FOXP1: variants seen among roughly 807,000 people sequenced by gnomAD.
FOXP1 encodes forkhead box P1, also known as forkhead box protein P1.
In FOXP1, 15 loss-of-function variants were observed where a neutral mutation model predicts 98.2. The ratio of observed to expected loss-of-function variants is 0.15; its 90% CI spans 0.10 to 0.24. The LOEUF (loss-of-function observed/expected upper bound fraction) is 0.24. Ranked by LOEUF, FOXP1 falls within the 10% of genes least tolerant of loss-of-function variation. FOXP1 has a pLI of 1.00. For synonymous variants in FOXP1, 371 were observed against 314.5 expected, an observed-to-expected ratio of 1.18 and a Z score of -1.90; for missense variants, 633 against 848.5, an observed-to-expected ratio of 0.75 and a Z score of 3.15.
At chr3:71,073,674 G>A (rs375743458) in intron 7 of FOXP1, among the ~76,000 whole-genome samples, 1 of 152,200 alleles carries the variant, frequency 6.6e-6, no homozygotes, top group Non-Finnish European at 1.5e-5. Flanking sequence ...TTCCGAGGGG[G>A]TGTCAACTTC....
intron 4 of FOXP1, among the ~76,000 whole-genome samples, chr3:71,340,573 A>T (rs1401961385): frequency 6.6e-6 from 1 of 152,184 alleles, no homozygotes; most frequent in Non-Finnish European, 1.5e-5. Context: ...TTCCCATGGA[A>T]CATGTTTGTA....
chr3:71,144,799 AC>A (rs892421404), intron 6 of FOXP1, among the ~76,000 whole-genome samples: 54 of 151,690 alleles, frequency 3.6e-4, no homozygotes, highest in African/African-American at 1.3e-3. Flanking sequence ...GGCCTCCACC[AC>A]CCCCCAAACT....
chr3:71,383,185 G>A (rs2080308609), intron 3 of FOXP1, among the ~76,000 whole-genome samples: 1 of 152,198 alleles, frequency 6.6e-6, no homozygotes. Flanking sequence ...CCAGCTCCAG[G>A]TGGCTCTCTA....
chr3:71,349,239 A>G (rs2077607491), intron 4 of FOXP1, among the ~76,000 whole-genome samples: 1 of 152,260 alleles, frequency 6.6e-6, no homozygotes, highest in African/African-American at 2.4e-5. Context: ...TAATGTGATG[A>G]ATGCCACAAT....
At chr3:70,968,838 C>G (rs888098914) in intron 19 of FOXP1, 1 of 152,170 alleles carries the variant, frequency 6.6e-6, no homozygotes, top group South Asian at 2.1e-4. Flanking sequence ...TTAATTTGCA[C>G]AGTAGAAAGT....
In FOXP1 at chr3:71,436,419, A is replaced by G. The variant is rs1239090557; in HGVS notation, c.-168+57007T>C. 3.3e-5 allele frequency among the ~76,000 whole-genome samples: 5 copies of G among 152,130 alleles called. No homozygotes were observed. In the East Asian group the frequency reaches 7.7e-4, roughly 24 times the overall value. On this transcript the variant is annotated intron_variant, in intron 3 of 20. Transcript: ENST00000649528. ...AACTTGTGGTCTGAGGAGTGTGGGG[A>G]ATGCTGGCCCTGGTGGTGATGAGAC...
At chr3:71,098,539 T>C (rs1022426153) in intron 7 of FOXP1, among the ~76,000 whole-genome samples, 5 of 152,190 alleles carry the variant, frequency 3.3e-5, no homozygotes, top group African/African-American at 1.2e-4. Flanking sequence ...GAAATGTTTC[T>C]AGGGGCTCGC....
At chr3:71,563,051 A>G (rs1578192002) in intron 2 of FOXP1, among the ~76,000 whole-genome samples, 1 of 152,132 alleles carries the variant, frequency 6.6e-6, no homozygotes, top group Non-Finnish European at 1.5e-5. Flanking sequence ...ATGAATGAGG[A>G]GCCAGGCTGG....
chr3:71,322,819 G>A (rs922741437), intron 4 of FOXP1, among the ~76,000 whole-genome samples: 5 of 152,134 alleles, frequency 3.3e-5, no homozygotes, highest in Admixed American at 2.0e-4. Flanking sequence ...GATGTGTTTT[G>A]TAGAAAACCA....
rs116193825 is a variant in FOXP1 at position 70,962,416 on chromosome 3, T to C, written c.1890-3025A>G. Among the ~76,000 whole-genome samples the C allele has an allele frequency of 2.2e-3, 336 of 152,312 alleles. 1 individual carries two copies. The highest frequency in any genetic ancestry group is 7.1e-3 in the African/African-American group (296 of 41,552). On this transcript the variant is annotated intron_variant, in intron 20 of 20. Coordinates refer to ENST00000649528, the MANE Select transcript of FOXP1 (RefSeq NM_001349338.3). ...ACATCTTTATGGTTCCTATGATTTATTGTGATATTAACTTCCAAAGGGGCT... is the reference window on the plus strand; with the variant it reads ...ACATCTTTATGGTTCCTATGATTTACTGTGATATTAACTTCCAAAGGGGCT...
intron 6 of FOXP1, among the ~76,000 whole-genome samples, chr3:71,158,195 A>G (rs1190223307): frequency 1.3e-5 from 2 of 148,326 alleles, no homozygotes; most frequent in Non-Finnish European, 3.0e-5. Context: ...GAGGGAGGGA[A>G]AGAAAGAAAG....
chr3:71,446,546 G>GAA lies in FOXP1; in HGVS notation c.-168+46878_-168+46879dup, dbSNP rs142468658. 5.5e-3 allele frequency among the ~76,000 whole-genome samples: 831 copies of GAA among 150,500 alleles called. 7 individuals carry two copies. Among genetic ancestry groups the GAA allele is most frequent in the African/African-American group, 0.016 (643 of 40,970 alleles). On this transcript the variant is annotated intron_variant, in intron 3 of 20. Transcript: ENST00000649528. ...CCCAGGGCACCTGCTGCCACACACT[G>GAA]AAAAAAAAAATTAATAAAAGTAAAA...
intron 5 of FOXP1, among the ~76,000 whole-genome samples, chr3:71,243,360 G>A (rs1014465057): frequency 6.6e-6 from 1 of 152,094 alleles, no homozygotes; most frequent in Non-Finnish European, 1.5e-5. Flanking sequence ...GAGATGATCC[G>A]CAGCCAAGAA....
chr3:71,286,979 A>G (rs1312185154), intron 5 of FOXP1, among the ~76,000 whole-genome samples: 1 of 152,212 alleles, frequency 6.6e-6, no homozygotes, highest in East Asian at 1.9e-4. Context: ...AAATAACTGG[A>G]AGGAATCTAA....
intron 5 of FOXP1, chr3:71,245,174 G>C (rs892006618): frequency 6.6e-6 from 1 of 152,218 alleles, no homozygotes; most frequent in Non-Finnish European, 1.5e-5. Flanking sequence ...CTGAGAAGCA[G>C]TTAGGAGCTT....
chr3:71,546,387 G>A (rs1050518160), intron 2 of FOXP1, among the ~76,000 whole-genome samples: 4 of 152,080 alleles, frequency 2.6e-5, no homozygotes, highest in African/African-American at 7.2e-5. Flanking sequence ...CCACAAAACC[G>A]AAGAGCTATT....
intron 5 of FOXP1, among the ~76,000 whole-genome samples, chr3:71,279,773 G>A (rs1326984072): frequency 6.6e-6 from 1 of 152,126 alleles, no homozygotes; most frequent in African/African-American, 2.4e-5. Flanking sequence ...TAGGAAAAAT[G>A]TAGCATACTC....
At chr3:71,279,643 C>A (rs2071300936) in intron 5 of FOXP1, among the ~76,000 whole-genome samples, 1 of 151,926 alleles carries the variant, frequency 6.6e-6, no homozygotes, top group African/African-American at 2.4e-5. Context: ...TGTATCCAAC[C>A]AAGTAGAAAT....
intron 6 of FOXP1, among the ~76,000 whole-genome samples, chr3:71,121,582 C>T (rs947351022): frequency 6.6e-6 from 1 of 152,004 alleles, no homozygotes; most frequent in African/African-American, 2.4e-5. Context: ...CAGTGCCAGA[C>T]GCTGAATCAC....
Sources: gnomAD v4.1 joint callset for allele counts (sites outside exome capture counted in the v4.1 genomes callset) on GRCh38, gnomAD v4.1.1 for gene constraint, MANE v1.5 for transcripts, NCBI Gene and HGNC (gene_info 2026-07-23, HGNC 2026-07-21) for gene names.